The following CEMIP variants were observed in gnomAD, a reference collection of about 807,000 sequenced individuals.
CEMIP encodes the protein cell migration-inducing and hyaluronan-binding protein.
CEMIP carries 105 observed loss-of-function variants against 156.9 expected under a neutral mutation model. That is an observed-to-expected ratio of 0.67 (90% CI 0.57 to 0.79). The LOEUF is 0.79. Among genes scored for constraint, CEMIP ranks in the 30% least tolerant of loss-of-function variants. CEMIP has a pLI of 0.00. For synonymous variants in CEMIP, 676 were observed against 668.4 expected (o/e 1.01, Z -0.17); for missense variants, 1,457 against 1,769.4 (o/e 0.82, Z 3.17).
At chr15:80,919,127 T>C (rs1018999431) in intron 14 of CEMIP, among the ~76,000 whole-genome samples, 3 of 152,210 alleles carry the variant, frequency 2.0e-5, no homozygotes, top group African/African-American at 7.2e-5. Flanking sequence ...GAGCTGGAGT[T>C]TGCAGCCCTT....
chr15:80,913,699 TCTAA>T (rs1412223252), intron 14 of CEMIP, among the ~76,000 whole-genome samples: 1 of 152,250 alleles, frequency 6.6e-6, no homozygotes, highest in Non-Finnish European at 1.5e-5. Context: ...TGCCTCTGTA[TCTAA>T]CTGTGTTCTG....
At chr15:80,875,021 ATTTTTTTTTTTTT>A (rs755707756) in intron 3 of CEMIP, among the ~76,000 whole-genome samples, 4 of 64,916 alleles carry the variant, frequency 6.2e-5, no homozygotes, top group Non-Finnish European at 8.2e-5. Flanking sequence ...AGCAAGTAGC[ATTTTTTTTTTTTT>A]TTTTTTTTTT....
rs980975429 is a variant in CEMIP at position 80,883,895 on chromosome 15, T to C, written c.618-280T>C. Among the ~76,000 whole-genome samples, 9 of 152,240 alleles carry C rather than the reference T, an allele frequency of 5.9e-5. No homozygotes were observed. In the South Asian group the frequency reaches 1.0e-3, roughly 18 times the overall value. ...CAAGTATGTGACCCACTCAACATCCTGGAGCTTGAAGTCTTCACTGCTGCA... is the reference window on the plus strand; with the variant it reads ...CAAGTATGTGACCCACTCAACATCCCGGAGCTTGAAGTCTTCACTGCTGCA... On this transcript the variant is annotated intron_variant, in intron 6 of 29. Transcript: ENST00000394685.
chr15:80,897,922 C>A (rs140032788), intron 12 of CEMIP, among the ~76,000 whole-genome samples: 1 of 152,278 alleles, frequency 6.6e-6, no homozygotes, highest in African/African-American at 2.4e-5. Context: ...AACAAGGAGC[C>A]CAGAAGACCA....
At chr15:80,805,810 A>C (rs185161272) in intron 1 of CEMIP, among the ~76,000 whole-genome samples, 76 of 152,324 alleles carry the variant, frequency 5.0e-4, no homozygotes, top group African/African-American at 1.8e-3. Context: ...AAAAAGTTTT[A>C]TCTCTCCATT....
At chr15:80,923,533 C>T (rs76752316) in intron 17 of CEMIP, among the ~76,000 whole-genome samples, 3 of 152,090 alleles carry the variant, frequency 2.0e-5, no homozygotes, top group African/African-American at 7.2e-5. Context: ...TGGTTTCTAA[C>T]AAGCAGGCAT....
rs748690421 is a variant in CEMIP at position 80,942,043 on chromosome 15, G to C, written c.3602G>C (p.Gly1201Ala). 2 of 1,613,090 alleles carry C rather than the reference G, an allele frequency of 1.2e-6. No homozygotes were observed. The highest frequency in any genetic ancestry group is 3.3e-5 in the Admixed American group (2 of 59,916). ...VDVPMPKKLFGSQLKTKDHFL... is the reference protein window; with the variant it reads ...VDVPMPKKLFASQLKTKDHFL... The stretch of plus-strand genomic sequence containing the variant: ...GTGCCGATGCCCAAGAAGCTCTTTG[G>C]TTCTCAGCTGGTGAGTGGCTGAGAG... The change falls in exon 26 of 30, where the codon GGT (glycine) becomes GCT (alanine). Residue 1201 changes from glycine (G) to alanine (A), a missense_variant. Transcript: ENST00000394685.
intron 1 of CEMIP, among the ~76,000 whole-genome samples, chr15:80,857,603 C>T (rs779506056): frequency 2.6e-5 from 4 of 152,124 alleles, no homozygotes; most frequent in Non-Finnish European, 4.4e-5. Context: ...CAAACTTCAC[C>T]GTGCACATTA....
At chr15:80,833,568 G>C (rs1272237258) in intron 1 of CEMIP, among the ~76,000 whole-genome samples, 1 of 152,090 alleles carries the variant, frequency 6.6e-6, no homozygotes, top group Non-Finnish European at 1.5e-5. Context: ...CAGAGATGCA[G>C]TTTGGAGGGC....
rs1567068477 is a variant in CEMIP, at chr15:80,848,927, C to CA, written c.-175-24611_-175-24610insA. 4.6e-4 allele frequency among the ~76,000 whole-genome samples: 64 copies of CA among 139,466 alleles called. 3 individuals carry two copies. In the South Asian group the frequency reaches 0.014, roughly 31 times the overall value. 91.5% of individuals were successfully genotyped at this position (139,466 alleles called of 152,430 possible). ...ACACACACACACACACACACACACA[C>CA]CCTGGCTTCAGGGATCTCTTTAGAA... On this transcript the variant is annotated intron_variant, in intron 1 of 29. Coordinates refer to ENST00000394685, the MANE Select transcript of CEMIP (RefSeq NM_001293298.2).
intron 10 of CEMIP, among the ~76,000 whole-genome samples, chr15:80,890,692 T>C (rs1485557764): frequency 6.6e-6 from 1 of 152,132 alleles, no homozygotes; most frequent in African/African-American, 2.4e-5. Context: ...CAACACTTTT[T>C]CCTAGAATAT....
At chr15:80,828,202 A>C (rs1897081781) in intron 1 of CEMIP, among the ~76,000 whole-genome samples, 1 of 152,032 alleles carries the variant, frequency 6.6e-6, no homozygotes, top group East Asian at 1.9e-4. Flanking sequence ...AACATGGTGA[A>C]ACCTCGTCTC....
chr15:80,808,879 TA>T (rs1896585421), intron 1 of CEMIP, among the ~76,000 whole-genome samples: 1 of 152,070 alleles, frequency 6.6e-6, no homozygotes. Flanking sequence ...CTGACTTTGC[TA>T]AAAATTGTCA....
At chr15:80,839,003 G>A (rs1471559603) in intron 1 of CEMIP, among the ~76,000 whole-genome samples, 1 of 152,188 alleles carries the variant, frequency 6.6e-6, no homozygotes, top group Non-Finnish European at 1.5e-5. Flanking sequence ...CCAGCACTCA[G>A]GAGCTGAGGC....
chr15:80,800,757 A>G (rs533182355), intron 1 of CEMIP, among the ~76,000 whole-genome samples: 1 of 152,342 alleles, frequency 6.6e-6, no homozygotes, highest in Non-Finnish European at 1.5e-5. Flanking sequence ...TATTCTCGCC[A>G]TCTCTGTTCA....
chr15:80,789,955 C>T (rs575579391), intron 1 of CEMIP, among the ~76,000 whole-genome samples: 2 of 152,302 alleles, frequency 1.3e-5, no homozygotes, highest in East Asian at 1.9e-4. Flanking sequence ...GACATCACCC[C>T]TCTGAGCTCA....
Position 80,807,376 on chromosome 15 carries a change from G to T in CEMIP, c.-176+27762G>T, listed in dbSNP as rs549190199. 2.0e-5 allele frequency among the ~76,000 whole-genome samples: 3 copies of T among 152,160 alleles called. No homozygotes were observed. The South Asian group carries it at 6.2e-4, about 32-fold the overall frequency. On this transcript the variant is annotated intron_variant, in intron 1 of 29. Transcript: ENST00000394685. ...CTCCTAAGTAGCTGGGACTACAGGT[G>T]CATGCCACTATGCCTGCTAATTAAT...
At position 80,933,313 on chromosome 15, in the gene CEMIP, G is replaced by A; in HGVS notation, c.2862G>A (p.Lys954=). The change falls in exon 23 of 30, where the codon AAG becomes AAA. Residue 954 remains lysine (K), a synonymous_variant. Transcript: ENST00000394685. ...ACCAGCTGGACATGGATGGGGATAA[G>A]ACATCTGTGTTCCATGACGTCGACG... The part of the protein sequence containing the change: ...WFNQLDMDGD[K]TSVFHDVDGS... 1 of 1,614,208 alleles carries A rather than the reference G, an allele frequency of 6.2e-7. No homozygotes were observed. The highest frequency in any genetic ancestry group is 1.3e-5 in the African/African-American group (1 of 75,050).
intron 1 of CEMIP, among the ~76,000 whole-genome samples, chr15:80,860,857 A>C (rs1321901979): frequency 6.6e-6 from 1 of 151,380 alleles, no homozygotes. Context: ...GCACTCCCTC[A>C]CACCCTTCTC....
Sources: gnomAD v4.1 joint callset for allele counts (sites outside exome capture counted in the v4.1 genomes callset) on GRCh38, gnomAD v4.1.1 for gene constraint, MANE v1.5 for transcripts, NCBI Gene and HGNC (gene_info 2026-07-23, HGNC 2026-07-21) for gene names.